TRAPPC9: variants seen among roughly 807,000 people sequenced by gnomAD.
TRAPPC9 encodes trafficking protein particle complex subunit 9, also known as IKK2 binding protein.
TRAPPC9 carries 83 observed loss-of-function variants against 124.0 expected under a neutral mutation model. The ratio of observed to expected loss-of-function variants is 0.67; its 90% CI spans 0.56 to 0.80. The LOEUF (loss-of-function observed/expected upper bound fraction) is 0.80. Ranked by LOEUF, TRAPPC9 falls within the 30% of genes least tolerant of loss-of-function variation. TRAPPC9 has a pLI of 0.00. For missense variants in TRAPPC9, 1,302 were observed against 1,508.3 expected (o/e 0.86, Z 2.27); for synonymous variants, 638 against 617.5 (o/e 1.03, Z -0.49).
intron 7 of TRAPPC9, among the ~76,000 whole-genome samples, chr8:140,384,376 A>C (rs2068697297): frequency 6.6e-6 from 1 of 152,170 alleles, no homozygotes; most frequent in Non-Finnish European, 1.5e-5. Context: ...AAATTGGATA[A>C]AGAGTCAAGA....
chr8:140,126,969 T>C (rs1036386677), intron 17 of TRAPPC9, among the ~76,000 whole-genome samples: 2 of 152,320 alleles, frequency 1.3e-5, no homozygotes, highest in Admixed American at 6.5e-5. Flanking sequence ...GGCTGGGTGA[T>C]AGACGAGGCA....
chr8:140,402,039 A>C (rs1260537625), intron 6 of TRAPPC9, among the ~76,000 whole-genome samples: 1 of 151,922 alleles, frequency 6.6e-6, no homozygotes, highest in Non-Finnish European at 1.5e-5. Flanking sequence ...TTAAAAAAAA[A>C]CAGACTGGAG....
At chr8:140,101,478 G>A (rs557444141) in intron 17 of TRAPPC9, among the ~76,000 whole-genome samples, 31 of 147,666 alleles carry the variant, frequency 2.1e-4, no homozygotes, top group African/African-American at 7.5e-4. Flanking sequence ...TGATCACAGA[G>A]AAATATTTGA....
chr8:139,910,722 T>C (rs190106904), intron 19 of TRAPPC9, among the ~76,000 whole-genome samples: 1 of 152,208 alleles, frequency 6.6e-6, no homozygotes, highest in Admixed American at 6.5e-5. Flanking sequence ...ATCCTCTGAG[T>C]GCTGTCTGCC....
intron 19 of TRAPPC9, among the ~76,000 whole-genome samples, chr8:139,980,564 A>C (rs1303442639): frequency 1.3e-5 from 2 of 152,188 alleles, no homozygotes; most frequent in Non-Finnish European, 2.9e-5. Flanking sequence ...CACCATCACC[A>C]ACGGCTGGCC....
intron 21 of TRAPPC9, among the ~76,000 whole-genome samples, chr8:139,763,609 A>C (rs1695379178): frequency 6.6e-6 from 1 of 151,128 alleles, no homozygotes; most frequent in Non-Finnish European, 1.5e-5. Context: ...CATGCACATA[A>C]ACACACACAC....
intron 21 of TRAPPC9, among the ~76,000 whole-genome samples, chr8:139,790,714 C>T (rs1230979768): frequency 6.6e-6 from 1 of 152,282 alleles, no homozygotes; most frequent in East Asian, 1.9e-4. Context: ...CCCAAATGTC[C>T]GTCTGTCCAG....
At chr8:140,132,042 G>A (rs13281701) in intron 17 of TRAPPC9, among the ~76,000 whole-genome samples, 25,058 of 152,168 alleles carry the variant, frequency 0.16, 2,559 homozygotes, top group Admixed American at 0.25. Context: ...TGAAGGCCAC[G>A]TAGTCCCTGC....
At chr8:140,281,660 A>G (rs1026660774) in intron 14 of TRAPPC9, among the ~76,000 whole-genome samples, 3 of 152,344 alleles carry the variant, frequency 2.0e-5, no homozygotes, top group Non-Finnish European at 2.9e-5. Flanking sequence ...TGTCACATCA[A>G]AGAACTCTGC....
At chr8:139,869,244 T>C (rs1229886213) in intron 21 of TRAPPC9, among the ~76,000 whole-genome samples, 1 of 152,108 alleles carries the variant, frequency 6.6e-6, no homozygotes, top group East Asian at 1.9e-4. Flanking sequence ...ATTCAAATGA[T>C]AGGCAAAAGT....
At position 140,388,140 on chromosome 8, in the gene TRAPPC9, G is replaced by C. The variant is rs559050491; in HGVS notation, c.1134+9480C>G. Among the ~76,000 whole-genome samples the C allele has an allele frequency of 1.2e-3, 182 of 148,462 alleles. 2 individuals carry two copies. The highest frequency in any genetic ancestry group is 4.5e-3 in the African/African-American group (179 of 40,158). Reference sequence around the variant, plus strand: ...TCGCAAGGACAAAAAAACAAACACCGCATGTTCTCACTCATAGGTGGGAAC... The same window carrying C: ...TCGCAAGGACAAAAAAACAAACACCCCATGTTCTCACTCATAGGTGGGAAC... On this transcript the variant is annotated intron_variant, in intron 7 of 22. Transcript: ENST00000438773.
chr8:140,371,423 G>C (rs2068279350), intron 7 of TRAPPC9, among the ~76,000 whole-genome samples: 1 of 152,150 alleles, frequency 6.6e-6, no homozygotes, highest in Non-Finnish European at 1.5e-5. Flanking sequence ...TGCTACAAAG[G>C]TACCTGCTAC....
chr8:140,123,728 A>G (rs1337907908), intron 17 of TRAPPC9, among the ~76,000 whole-genome samples: 1 of 152,248 alleles, frequency 6.6e-6, no homozygotes, highest in Non-Finnish European at 1.5e-5. Flanking sequence ...GCTCCACAAG[A>G]GTAAGAACAA....
At chr8:140,093,584 C>T (rs1332064600) in intron 17 of TRAPPC9, among the ~76,000 whole-genome samples, 1 of 151,520 alleles carries the variant, frequency 6.6e-6, no homozygotes, top group African/African-American at 2.4e-5. Flanking sequence ...AGTAGAATTG[C>T]TTGAACTCAA....
chr8:140,101,426 C>T (rs1417927963), intron 17 of TRAPPC9, among the ~76,000 whole-genome samples: 1 of 151,950 alleles, frequency 6.6e-6, no homozygotes, highest in Non-Finnish European at 1.5e-5. Context: ...GCCACTGTGC[C>T]TGGCCATTAA....
chr8:139,842,843 G>C (rs1322284830), intron 21 of TRAPPC9, among the ~76,000 whole-genome samples: 1 of 152,234 alleles, frequency 6.6e-6, no homozygotes, highest in East Asian at 1.9e-4. Context: ...TGTAGCAGCT[G>C]CACTGCCAGG....
chr8:140,291,302 T>C, intron 11 of TRAPPC9: 2 of 607,138 alleles, frequency 3.3e-6, no homozygotes, highest in Non-Finnish European at 5.9e-6. Flanking sequence ...ATGGCGCTTG[T>C]CACTGCCTTC....
chr8:140,433,656 C>G (rs1340657090), intron 4 of TRAPPC9, among the ~76,000 whole-genome samples: 3 of 152,168 alleles, frequency 2.0e-5, no homozygotes, highest in African/African-American at 7.2e-5. Flanking sequence ...TGTAGTCAAT[C>G]TATAAAGGAA....
chr8:140,152,286 T>C (rs1378408112), intron 17 of TRAPPC9, among the ~76,000 whole-genome samples: 1 of 149,844 alleles, frequency 6.7e-6, no homozygotes, highest in African/African-American at 2.5e-5. Context: ...CTTGTCAATT[T>C]CTACCAAAAA....
Sources: gnomAD v4.1 joint callset for allele counts (sites outside exome capture counted in the v4.1 genomes callset) on GRCh38, gnomAD v4.1.1 for gene constraint, MANE v1.5 for transcripts, NCBI Gene and HGNC (gene_info 2026-07-23, HGNC 2026-07-21) for gene names.